Variants in FOXJ3 observed in about 807,000 individuals in gnomAD.
FOXJ3 encodes the protein forkhead box J3, also known as forkhead box protein J3.
A neutral mutation model predicts 76.1 loss-of-function variants in FOXJ3; 22 were observed. The ratio of observed to expected loss-of-function variants is 0.29; its 90% CI spans 0.21 to 0.41. The LOEUF (loss-of-function observed/expected upper bound fraction) is 0.41. FOXJ3 is among the 10% of genes least tolerant of loss of function. The pLI is 1.00. For synonymous variants in FOXJ3, 269 were observed against 261.2 expected (o/e 1.03, Z -0.29); for missense variants, 613 against 762.1 (o/e 0.80, Z 2.30).
At chr1:42,291,404 A>G (rs915284227) in intron 2 of FOXJ3, among the ~76,000 whole-genome samples, 2 of 152,214 alleles carry the variant, frequency 1.3e-5, no homozygotes, top group East Asian at 3.8e-4. Flanking sequence ...CTTTATCAAA[A>G]TTTAAAACTT....
chr1:42,313,450 C>T (rs1654928242), intron 1 of FOXJ3, among the ~76,000 whole-genome samples: 1 of 152,082 alleles, frequency 6.6e-6, no homozygotes, highest in Non-Finnish European at 1.5e-5. Flanking sequence ...TGGAGGAAAT[C>T]ACCTTTGACC....
chr1:42,281,753 G>A (rs1652728507), intron 2 of FOXJ3, among the ~76,000 whole-genome samples: 2 of 152,174 alleles, frequency 1.3e-5, no homozygotes, highest in African/African-American at 4.8e-5. Context: ...CAGATCACCA[G>A]TAACTTTAGA....
chr1:42,244,433 T>C (rs12732892), intron 4 of FOXJ3, among the ~76,000 whole-genome samples: 21,834 of 152,162 alleles, frequency 0.14, 2,008 homozygotes, highest in South Asian at 0.24. Context: ...ACAGGTATCC[T>C]GTTAGTCCTG....
At chr1:42,308,386 G>T (rs533726470) in intron 2 of FOXJ3, among the ~76,000 whole-genome samples, 15 of 152,288 alleles carry the variant, frequency 9.8e-5, no homozygotes, top group African/African-American at 3.6e-4. Flanking sequence ...AAAATTTATT[G>T]TGGTTATTAA....
At chr1:42,204,294 G>C (rs1319660221) in intron 6 of FOXJ3, among the ~76,000 whole-genome samples, 1 of 152,078 alleles carries the variant, frequency 6.6e-6, no homozygotes, top group Non-Finnish European at 1.5e-5. Flanking sequence ...TCAAGGAGGT[G>C]GGTGGGGAGG....
intron 1 of FOXJ3, among the ~76,000 whole-genome samples, chr1:42,324,098 T>TGTATATATAGTATATAC (rs1557725849): frequency 4.4e-3 from 26 of 5,846 alleles, no homozygotes; most frequent in Non-Finnish European, 0.01. Flanking sequence ...ACTGTATATA[T>TGTATATATAGTATATAC]ACTGTGTATA....
At chr1:42,227,663 C>T (rs1023326290) in intron 5 of FOXJ3, among the ~76,000 whole-genome samples, 8 of 152,188 alleles carry the variant, frequency 5.3e-5, no homozygotes, top group Non-Finnish European at 1.0e-4. Context: ...CACCTGCGCC[C>T]TAATTATGAC....
rs201289728 is a variant in FOXJ3 at position 42,287,936 on chromosome 1, A to C, written c.45-9264T>G. Among the ~76,000 whole-genome samples, 31 of 152,258 alleles carry C rather than the reference A, an allele frequency of 2.0e-4. No homozygotes were observed. In the East Asian group the frequency reaches 5.6e-3, roughly 27 times the overall value. On this transcript the variant is annotated intron_variant, in intron 2 of 12. Transcript: ENST00000361346. ...AATTGTGATCACACCACTGCACTCC[A>C]CCCTGGGCAACAGAATGAGACCCTG... is the stretch of plus-strand genomic sequence containing the variant.
At chr1:42,267,426 T>TA (rs1312161790) in intron 3 of FOXJ3, among the ~76,000 whole-genome samples, 1 of 151,936 alleles carries the variant, frequency 6.6e-6, no homozygotes, top group African/African-American at 2.4e-5. Flanking sequence ...ACATAAATTT[T>TA]AAAAAAATCC....
chr1:42,248,916 C>T (rs1229635335), intron 4 of FOXJ3, among the ~76,000 whole-genome samples: 3 of 151,918 alleles, frequency 2.0e-5, no homozygotes, highest in Admixed American at 1.3e-4. Context: ...CCCCCGCAAC[C>T]CAATAGGCCC....
chr1:42,317,752 A>AGC (rs1315687084), intron 1 of FOXJ3, among the ~76,000 whole-genome samples: 1 of 152,184 alleles, frequency 6.6e-6, no homozygotes, highest in African/African-American at 2.4e-5. Context: ...ATAAAAGTTT[A>AGC]GCTACAAGTT....
At chr1:42,203,463 T>C (rs1646800734) in intron 6 of FOXJ3, among the ~76,000 whole-genome samples, 1 of 152,214 alleles carries the variant, frequency 6.6e-6, no homozygotes, top group Non-Finnish European at 1.5e-5. Context: ...CTAGTAACTG[T>C]TGAGGCTGAT....
chr1:42,329,752 T>G (rs1019246057), intron 1 of FOXJ3, among the ~76,000 whole-genome samples: 1 of 152,264 alleles, frequency 6.6e-6, no homozygotes, highest in East Asian at 1.9e-4. Context: ...TACACTGTAG[T>G]GTTAAGTCCA....
intron 5 of FOXJ3, among the ~76,000 whole-genome samples, chr1:42,208,792 G>A (rs1039509560): frequency 2.0e-5 from 3 of 152,154 alleles, no homozygotes. Flanking sequence ...AGTCAAAAAT[G>A]CACTTAATGT....
intron 2 of FOXJ3, among the ~76,000 whole-genome samples, chr1:42,308,947 AG>A (rs1034021269): frequency 6.9e-6 from 1 of 144,560 alleles, no homozygotes; most frequent in African/African-American, 2.6e-5. Flanking sequence ...AAATATCTTA[AG>A]GAAGTCTAAT....
At chr1:42,208,650 T>G (rs71654223) in intron 5 of FOXJ3, among the ~76,000 whole-genome samples, 32 of 152,314 alleles carry the variant, frequency 2.1e-4, no homozygotes, top group Non-Finnish European at 3.7e-4. Flanking sequence ...ATACCCACTG[T>G]CACCATTTCT....
chr1:42,293,956 G>C (rs569105965), intron 2 of FOXJ3, among the ~76,000 whole-genome samples: 4 of 152,326 alleles, frequency 2.6e-5, no homozygotes, highest in Admixed American at 2.0e-4. Flanking sequence ...CTAGTAGGGG[G>C]TGGAATAATC....
intron 11 of FOXJ3, among the ~76,000 whole-genome samples, chr1:42,186,194 CAGAA>C (rs1278156084): frequency 6.6e-6 from 1 of 152,000 alleles, no homozygotes; most frequent in Non-Finnish European, 1.5e-5. Context: ...AAAGGAATGA[CAGAA>C]AGACACTGAC....
In FOXJ3 at chr1:42,225,717, G is replaced by A. The variant is rs184583008; in HGVS notation, c.528+2166C>T. On this transcript the variant is annotated intron_variant, in intron 5 of 12. Transcript: ENST00000361346. ...GAATATTTTACATTTTAAACTTAAA[G>A]TGATGATCAAAAAGCAGTAGAAAAT... Among the ~76,000 whole-genome samples the A allele has an allele frequency of 1.5e-4, 23 of 152,266 alleles. No individual in the cohort carries two copies. The East Asian group carries it at 4.4e-3, about 29-fold the overall frequency.
Sources: allele counts gnomAD v4.1 joint callset (sites outside exome capture counted in the v4.1 genomes callset), GRCh38; gene constraint gnomAD v4.1.1; transcripts MANE v1.5; gene names NCBI Gene and HGNC (gene_info 2026-07-23, HGNC 2026-07-21).